KCTD2: variants seen among roughly 807,000 people sequenced by gnomAD.
KCTD2 encodes the protein BTB/POZ domain-containing protein KCTD2.
KCTD2 carries 18 observed loss-of-function variants against 27.9 expected under a neutral mutation model. The observed-to-expected ratio is 0.64, with a 90% CI of 0.45 to 0.96. The LOEUF (loss-of-function observed/expected upper bound fraction) is 0.96, where lower values mean the gene tolerates loss of function less well. Ranked by LOEUF, KCTD2 falls within the 40% of genes least tolerant of loss-of-function variation. The probability of loss-of-function intolerance (pLI) is 0.00; values close to 1 mark genes in which losing one functional copy is unlikely to be tolerated. For missense variants in KCTD2, 280 were observed against 348.0 expected (o/e 0.80, Z 1.56); for synonymous variants, 175 against 148.4 (o/e 1.18, Z -1.30).
At chr17:75,046,555 C>T (rs558864436), upstream of KCTD2, among the ~76,000 whole-genome samples, 214 of 152,386 alleles carry the variant, frequency 1.4e-3, 1 homozygote, top group African/African-American at 4.8e-3. Flanking sequence ...GGGAAGGGCG[C>T]AGCCCCGCAG....
chr17:75,058,074 A>T (rs1598127003), intron 3 of KCTD2, among the ~76,000 whole-genome samples: 1 of 152,012 alleles, frequency 6.6e-6, no homozygotes, highest in East Asian at 2.0e-4. Context: ...CTGTAATCCC[A>T]GCACTTTGGG....
intron 3 of KCTD2, chr17:75,039,752 ATATT>A (rs1231506976): frequency 2.6e-5 from 8 of 303,758 alleles, no homozygotes; most frequent in African/African-American, 1.5e-4. Context: ...TAAAATGCAC[ATATT>A]TAAAGAACAC....
At position 75,052,736 on chromosome 17, in the gene KCTD2, A is replaced by G. The variant is rs185365835; in HGVS notation, c.449-278A>G. ...GAAACTCTGTTTCGGGCGGGGGGAAAAAATAGAAACAGCCGGGTGTGGTGG... is the reference window on the plus strand; with the variant it reads ...GAAACTCTGTTTCGGGCGGGGGGAAGAAATAGAAACAGCCGGGTGTGGTGG... On this transcript the variant is annotated intron_variant, in intron 2 of 5. Transcript: ENST00000322444. Among the ~76,000 whole-genome samples, 116 of 152,158 alleles carry G rather than the reference A, an allele frequency of 7.6e-4. 1 individual carries two copies. The highest frequency in any genetic ancestry group is 6.8e-3 in the Middle Eastern group (2 of 292).
chr17:75,063,055 C>G lies in KCTD2; in HGVS notation c.*8C>G, dbSNP rs1234596343. On this transcript the variant is annotated 3_prime_UTR_variant, in exon 6 of 6. Coordinates refer to ENST00000322444, the MANE Select transcript of KCTD2 (RefSeq NM_015353.3). ...AGAGGATCGCGGATGTAAACTAAGA[C>G]CCCGAAAACTCCAGACCTTCAGGAG... is the stretch of plus-strand genomic sequence containing the variant. The G allele has an allele frequency of 1.9e-6, 3 of 1,611,614 alleles. No individual in the cohort carries two copies. In the Admixed American group the frequency reaches 5.0e-5, roughly 27 times the overall value.
upstream of KCTD2, among the ~76,000 whole-genome samples, chr17:75,046,762 C>T (rs547431178): frequency 6.6e-6 from 1 of 152,200 alleles, no homozygotes; most frequent in Non-Finnish European, 1.5e-5. Context: ...GAAGGGATCG[C>T]GGGGCGAGGA....
At chr17:75,039,142 G>A (rs2073132276) in intron 3 of KCTD2, 3 of 1,611,312 alleles carry the variant, frequency 1.9e-6, no homozygotes, top group Non-Finnish European at 2.5e-6. Flanking sequence ...CCTGCCACCA[G>A]GTGAAAGATG....
At chr17:75,034,059 A>G (rs1470685070) in exon 2 of KCTD2, 2 of 152,140 alleles carry the variant, frequency 1.3e-5, no homozygotes, top group Non-Finnish European at 2.9e-5. Context: ...CTTGGTCTCT[A>G]GTTCGACTCC....
At chr17:75,050,718 T>C (rs578240658) in intron 2 of KCTD2, among the ~76,000 whole-genome samples, 22 of 152,328 alleles carry the variant, frequency 1.4e-4, no homozygotes, top group African/African-American at 4.8e-4. Flanking sequence ...AAAAACTTTA[T>C]TTTGAAGTAA....
rs11538854 is a variant in KCTD2, at chr17:75,063,366, C to G, written c.*319C>G. On this transcript the variant is annotated 3_prime_UTR_variant, in exon 6 of 6. Transcript: ENST00000322444. ...CTTTCGGGGATCTGGGGGATGAGGG[C>G]GGAAGGCCTAGCTCCTTGGAAATGG... is the stretch of plus-strand genomic sequence containing the variant. The G allele has an allele frequency of 5.0e-6, 2 of 397,992 alleles. No homozygotes were observed. Among genetic ancestry groups the G allele is most frequent in the East Asian group, 9.7e-5 (2 of 20,656 alleles). 24.7% of individuals were successfully genotyped at this position (397,992 alleles called of 1,614,324 possible).
rs2040077120 is a variant in KCTD2, at chr17:75,032,698, G to A, written c.-496G>A. On this transcript the variant is annotated 5_prime_UTR_variant, in exon 1 of 8. Transcript: ENST00000581589. This position sits in a 1 kb window ranked among gnomAD's most constrained non-coding sequence, Gnocchi z 4.8. ...AGACCCAGGGAGACAAGAGGACCCT[G>A]GGGACGAATAGGAACAGCTGAGCAA... The A allele has an allele frequency of 6.6e-6, 1 of 152,102 alleles. No individual in the cohort carries two copies. The highest frequency in any genetic ancestry group is 1.5e-5 in the Non-Finnish European group (1 of 68,036). The allele number at this position is 152,102 out of a possible 1,614,324, so 9.4% of individuals were successfully genotyped here.
At chr17:75,053,884 T>TTTTTTG (rs2073320829) in intron 3 of KCTD2, among the ~76,000 whole-genome samples, 1 of 141,790 alleles carries the variant, frequency 7.1e-6, no homozygotes, top group East Asian at 2.0e-4. Context: ...TTTTTTTTTT[T>TTTTTTG]GAGACAGAGT....
chr17:75,054,024 C>T (rs1255988246), intron 3 of KCTD2, among the ~76,000 whole-genome samples: 2 of 151,546 alleles, frequency 1.3e-5, no homozygotes, highest in African/African-American at 4.9e-5. Flanking sequence ...TTGATTTTGG[C>T]GGGGAGAGGG....
At chr17:75,062,859 G>A (rs191948551) in intron 5 of KCTD2, among the ~76,000 whole-genome samples, 159 bp from the exon 6 acceptor site, 2 of 152,192 alleles carry the variant, frequency 1.3e-5, no homozygotes, top group East Asian at 1.9e-4. Flanking sequence ...AGAGTGTTTC[G>A]CACCAGAAGC....
chr17:75,060,508 G>T, intron 4 of KCTD2: 2 of 1,612,382 alleles, frequency 1.2e-6, no homozygotes, highest in Non-Finnish European at 1.7e-6. Flanking sequence ...ACAACAGCGC[G>T]ACAGCCAAGA....
chr17:75,053,492 G>A (rs916845429), intron 3 of KCTD2, among the ~76,000 whole-genome samples: 1 of 151,978 alleles, frequency 6.6e-6, no homozygotes, highest in African/African-American at 2.4e-5. Context: ...CCAGGCCGGA[G>A]TGCAGTGGTG....
chr17:75,060,472 C>T, intron 4 of KCTD2: 1 of 1,611,418 alleles, frequency 6.2e-7, no homozygotes, highest in Non-Finnish European at 8.5e-7. Context: ...GTGATACTTT[C>T]AGAAACCAGG....
chr17:75,033,669 A>T (rs35552011), intron 1 of KCTD2, among the ~76,000 whole-genome samples: 9,432 of 152,256 alleles, frequency 0.062, 437 homozygotes, highest in African/African-American at 0.13. Flanking sequence ...CCAGGCAACC[A>T]CCAAGCGGAC....
chr17:75,047,239 C>T lies in KCTD2; in HGVS notation c.-12C>T, dbSNP rs1446712087. The T allele has an allele frequency of 1.4e-6, 1 of 713,308 alleles. No homozygotes were observed. Among genetic ancestry groups the T allele is most frequent in the Non-Finnish European group, 1.8e-6 (1 of 569,302 alleles). The allele number at this position is 713,308 out of a possible 1,614,324, so 44.2% of individuals were successfully genotyped here. ...TGCGCGCGGGCAGCAGCGGTGGCGG[C>T]GGCGGTCCAAGATGGCGGAACTGCA... is the stretch of plus-strand genomic sequence containing the variant. On this transcript the variant is annotated 5_prime_UTR_variant, in exon 1 of 6. Coordinates refer to ENST00000322444, the MANE Select transcript of KCTD2 (RefSeq NM_015353.3).
intron 3 of KCTD2, among the ~76,000 whole-genome samples, chr17:75,035,575 CT>C (rs2040108251): frequency 7.2e-6 from 1 of 138,676 alleles, no homozygotes; most frequent in Admixed American, 6.9e-5. Flanking sequence ...AATCCCAACA[CT>C]TTGGGAGGCT....
Sources: gnomAD v4.1 joint callset for allele counts (sites outside exome capture counted in the v4.1 genomes callset) on GRCh38, gnomAD v4.1.1 for gene constraint, Gnocchi (gnomAD v3.1) non-coding constraint, MANE v1.5 for transcripts, NCBI Gene and HGNC (gene_info 2026-07-23, HGNC 2026-07-21) for gene names.